The following RFX3 variants were observed in gnomAD, a reference collection of about 807,000 sequenced individuals.
The protein encoded by RFX3 is transcription factor RFX3.
A neutral mutation model predicts 98.6 loss-of-function variants in RFX3; 14 were observed. That is an observed-to-expected ratio of 0.14 (90% confidence interval 0.09 to 0.22). The LOEUF (loss-of-function observed/expected upper bound fraction) is 0.22. Among genes scored for constraint, RFX3 ranks in the 10% least tolerant of loss-of-function variants. The pLI, the probability that RFX3 is intolerant of heterozygous loss-of-function variation, is 1.00. For synonymous variants in RFX3, 383 were observed against 328.4 expected, an observed-to-expected ratio of 1.17 and a Z score of -1.80; for missense variants, 639 against 926.9, an observed-to-expected ratio of 0.69 and a Z score of 4.03.
At chr9:3,269,239 A>G (rs1824056558) in intron 11 of RFX3, among the ~76,000 whole-genome samples, 1 of 151,984 alleles carries the variant, frequency 6.6e-6, no homozygotes, top group African/African-American at 2.4e-5. Flanking sequence ...ATGTTTAAGC[A>G]TACATTTCAA....
At chr9:3,288,597 A>T (rs1826942207) in intron 6 of RFX3, among the ~76,000 whole-genome samples, 1 of 152,070 alleles carries the variant, frequency 6.6e-6, no homozygotes, top group Non-Finnish European at 1.5e-5. Flanking sequence ...ATAGGAAAAA[A>T]GTTTTTGGCC....
At chr9:3,462,103 A>G (rs571122127) in intron 1 of RFX3, among the ~76,000 whole-genome samples, 2 of 152,168 alleles carry the variant, frequency 1.3e-5, no homozygotes, top group South Asian at 4.1e-4. Context: ...CCCTGTTTAA[A>G]AAAGAAAAAA....
chr9:3,477,296 T>C (rs570981569), intron 1 of RFX3, among the ~76,000 whole-genome samples: 4 of 152,346 alleles, frequency 2.6e-5, no homozygotes, highest in African/African-American at 4.8e-5. Context: ...TTCCTCTTTA[T>C]TTCTTCACAC....
intron 3 of RFX3, among the ~76,000 whole-genome samples, chr9:3,337,512 TA>T (rs1833327595): frequency 6.6e-6 from 1 of 152,118 alleles, no homozygotes; most frequent in Non-Finnish European, 1.5e-5. Context: ...AACAAGGAGC[TA>T]GGGGCACAAA....
In RFX3 at chr9:3,525,969, G is replaced by A. The variant is rs989874102; in HGVS notation, c.-231C>T. 2 of 335,388 alleles carry A rather than the reference G, an allele frequency of 6.0e-6. No homozygotes were observed. The highest frequency in any genetic ancestry group is 4.2e-6 in the Non-Finnish European group (1 of 239,000). The allele number at this position is 335,388 out of a possible 1,614,324, so 20.8% of individuals were successfully genotyped here. A position where few individuals can be genotyped will look rare whatever the true frequency, so the allele number is the denominator to read the frequency against. On this transcript the variant is annotated 5_prime_UTR_variant, in exon 1 of 17. Transcript: ENST00000617270. ...GAGAGAGAGAGAGCGAGAGGGAGAG[G>A]GAGACACTCGCACGGGGAGGGGTGG...
At chr9:3,259,897 G>A (rs1421402170) in intron 13 of RFX3, among the ~76,000 whole-genome samples, 2 of 151,984 alleles carry the variant, frequency 1.3e-5, no homozygotes, top group African/African-American at 4.8e-5. Context: ...GTTTTAAATA[G>A]AAGTCTCCTT....
intron 3 of RFX3, among the ~76,000 whole-genome samples, chr9:3,335,563 T>C (rs548408325): frequency 3.2e-4 from 48 of 152,320 alleles, no homozygotes; most frequent in African/African-American, 6.0e-4. Context: ...ATTCCTGAAA[T>C]AGATAAATCC....
rs117294601 is a variant in RFX3 at position 3,291,532 on chromosome 9, C to T, written c.731+1545G>A. ...TCTGTCCAATCATGTTTCTCCAGAA[C>T]TATCCACTTCATCAGACTGCATAAA... On this transcript the variant is annotated intron_variant, in intron 6 of 16. Transcript: ENST00000617270. 4.6e-3 allele frequency among the ~76,000 whole-genome samples: 699 copies of T among 152,294 alleles called. 1 individual carries two copies. The highest frequency in any genetic ancestry group is 7.2e-3 in the Non-Finnish European group (489 of 68,024).
intron 15 of RFX3, among the ~76,000 whole-genome samples, chr9:3,246,070 G>C (rs1359245860): frequency 6.6e-6 from 1 of 152,200 alleles, no homozygotes; most frequent in Non-Finnish European, 1.5e-5. Flanking sequence ...AGGCATCAGT[G>C]TTGTATGAGG....
chr9:3,351,181 T>C (rs1835067747), intron 2 of RFX3, among the ~76,000 whole-genome samples: 2 of 152,108 alleles, frequency 1.3e-5, no homozygotes, highest in South Asian at 4.2e-4. Flanking sequence ...AAGAGGCTAT[T>C]CATGTGTGAA....
intron 1 of RFX3, among the ~76,000 whole-genome samples, chr9:3,436,885 C>A (rs931367748): frequency 6.6e-6 from 1 of 151,976 alleles, no homozygotes; most frequent in Non-Finnish European, 1.5e-5. Context: ...CTCCTACAAG[C>A]CAAGCACCTC....
chr9:3,301,983 C>G (rs74502896), intron 4 of RFX3, among the ~76,000 whole-genome samples: 3,225 of 151,742 alleles, frequency 0.021, 117 homozygotes, highest in African/African-American at 0.073. Flanking sequence ...TCGTCTCCCA[C>G]CTAAAGAGTA....
At chr9:3,446,161 TAAAC>T (rs1008363173) in intron 1 of RFX3, among the ~76,000 whole-genome samples, 7 of 151,988 alleles carry the variant, frequency 4.6e-5, no homozygotes, top group Non-Finnish European at 1.0e-4. Context: ...GGTGAATGAG[TAAAC>T]AAACAAATTG....
chr9:3,244,187 G>A (rs1174508372), intron 15 of RFX3, among the ~76,000 whole-genome samples: 1 of 151,642 alleles, frequency 6.6e-6, no homozygotes, highest in Non-Finnish European at 1.5e-5. Context: ...TGTATTTTTA[G>A]TAGAGACAGG....
At chr9:3,468,628 A>G (rs1268621300) in intron 1 of RFX3, among the ~76,000 whole-genome samples, 2 of 152,174 alleles carry the variant, frequency 1.3e-5, no homozygotes, top group Admixed American at 6.5e-5. Context: ...AGTTAAATAC[A>G]TACATTATTA....
At chr9:3,292,086 A>C (rs1827448832) in intron 6 of RFX3, among the ~76,000 whole-genome samples, 5 of 147,612 alleles carry the variant, frequency 3.4e-5, no homozygotes, top group African/African-American at 1.0e-4. Flanking sequence ...AAAAAAAAAA[A>C]AAAAAAAAAA....
chr9:3,496,903 T>C (rs563145171), intron 1 of RFX3, among the ~76,000 whole-genome samples: 219 of 152,180 alleles, frequency 1.4e-3, no homozygotes, highest in African/African-American at 5.1e-3. Context: ...AACTGTCTCA[T>C]ACAGCACAGT....
At chr9:3,318,103 C>G (rs1232936412) in intron 4 of RFX3, among the ~76,000 whole-genome samples, 1 of 152,160 alleles carries the variant, frequency 6.6e-6, no homozygotes, top group African/African-American at 2.4e-5. Context: ...TTCACAATAG[C>G]AAAGTCTTGG....
intron 3 of RFX3, among the ~76,000 whole-genome samples, chr9:3,331,887 C>T (rs1054582541): frequency 3.9e-5 from 6 of 152,138 alleles, no homozygotes; most frequent in African/African-American, 1.4e-4. Flanking sequence ...GGGTTTCTAA[C>T]AGCCAAGTGG....
Sources: gnomAD v4.1 joint callset for allele counts (sites outside exome capture counted in the v4.1 genomes callset) on GRCh38, gnomAD v4.1.1 for gene constraint, MANE v1.5 for transcripts, NCBI Gene and HGNC (gene_info 2026-07-23, HGNC 2026-07-21) for gene names.